SGK3: variants seen among roughly 807,000 people sequenced by gnomAD.
The protein encoded by SGK3 is serine/threonine-protein kinase Sgk3.
A neutral mutation model predicts 68.5 loss-of-function variants in SGK3; 47 were observed. That is an observed-to-expected ratio of 0.69 (90% CI 0.54 to 0.87). SGK3 has a LOEUF of 0.87. SGK3 is among the 40% of genes least tolerant of loss of function. The pLI, the probability that SGK3 is intolerant of heterozygous loss-of-function variation, is 0.00. For synonymous variants in SGK3, 181 were observed against 189.1 expected (o/e 0.96, Z 0.35); for missense variants, 479 against 575.5 (o/e 0.83, Z 1.72).
intron 1 of SGK3, among the ~76,000 whole-genome samples, chr8:66,727,720 C>G (rs111728848): frequency 6.6e-6 from 1 of 152,168 alleles, no homozygotes; most frequent in Admixed American, 6.5e-5. Flanking sequence ...GCAAGAGGCC[C>G]TCAACAGGTG....
rs1472341296 is a variant in SGK3 at position 66,835,964 on chromosome 8, C to A, written c.631C>A (p.Arg211Ser). The A allele has an allele frequency of 3.1e-6, 5 of 1,613,602 alleles. No individual in the cohort carries two copies. Among genetic ancestry groups the A allele is most frequent in the Non-Finnish European group, 4.2e-6 (5 of 1,179,814 alleles). The change falls in exon 10 of 17, where the codon CGT becomes AGT. Residue 211 changes from arginine to serine, a missense_variant. Transcript: ENST00000521198. ...RKEQKHIMAERNVLLKNVKHP... is the reference protein window; with the variant it reads ...RKEQKHIMAESNVLLKNVKHP... ...CCAGCAAAAACATATTATGGCTGAA[C>A]GTAATGTGCTCTTGAAAAATGTGAA...
At chr8:66,790,674 T>G (rs982793792) in intron 1 of SGK3, 1 of 152,222 alleles carries the variant, frequency 6.6e-6, no homozygotes, top group Non-Finnish European at 1.5e-5. Flanking sequence ...TCTTTGGGAA[T>G]TCACAGCTTT....
At chr8:66,764,736 C>T (rs1341824619) in intron 1 of SGK3, among the ~76,000 whole-genome samples, 1 of 152,118 alleles carries the variant, frequency 6.6e-6, no homozygotes. Flanking sequence ...ATCTGTTTCC[C>T]GTTTCTATGG....
At chr8:66,754,027 T>C (rs920124312) in intron 1 of SGK3, among the ~76,000 whole-genome samples, 2 of 152,154 alleles carry the variant, frequency 1.3e-5, no homozygotes, top group African/African-American at 2.4e-5. Flanking sequence ...CCCTGAGTCT[T>C]TTGGCAGTGC....
rs191708642 is a variant in SGK3, at chr8:66,858,193, C to T, written c.1321-1218C>T. ...CAAATACAAAATGCTAGGACGGGTGCGGTGGCTCACGCCTGTAATTCCAGC... is the reference window on the plus strand; with the variant it reads ...CAAATACAAAATGCTAGGACGGGTGTGGTGGCTCACGCCTGTAATTCCAGC... On this transcript the variant is annotated intron_variant, in intron 16 of 16. Transcript: ENST00000521198. 4.5e-3 allele frequency among the ~76,000 whole-genome samples: 681 copies of T among 152,162 alleles called. 8 individuals are homozygous for T. The highest frequency in any genetic ancestry group is 0.016 in the African/African-American group (653 of 41,508).
intron 8 of SGK3, among the ~76,000 whole-genome samples, chr8:66,834,462 AG>A (rs781670831): frequency 6.9e-6 from 1 of 145,980 alleles, no homozygotes; most frequent in Non-Finnish European, 1.5e-5. Flanking sequence ...GGCTACTGGC[AG>A]GGTTTTGTTT....
chr8:66,728,327 CTT>C (rs200974011), intron 1 of SGK3, among the ~76,000 whole-genome samples: 2 of 141,686 alleles, frequency 1.4e-5, no homozygotes, highest in Non-Finnish European at 1.6e-5. Context: ...TACTTCATTT[CTT>C]TTTTTTTTTT....
intron 1 of SGK3, among the ~76,000 whole-genome samples, chr8:66,724,259 C>T (rs535745792): frequency 1.7e-4 from 26 of 152,300 alleles, no homozygotes; most frequent in African/African-American, 6.0e-4. Context: ...GGATTACAGG[C>T]GTGAGCCTCC....
chr8:66,852,907 C>G (rs980513708), intron 16 of SGK3, among the ~76,000 whole-genome samples: 4 of 152,170 alleles, frequency 2.6e-5, no homozygotes, highest in Non-Finnish European at 4.4e-5. Flanking sequence ...AATATATCAT[C>G]AAGCATGTTG....
At chr8:66,715,371 C>T (rs1244029928) in intron 1 of SGK3, among the ~76,000 whole-genome samples, 2 of 152,152 alleles carry the variant, frequency 1.3e-5, no homozygotes, top group Non-Finnish European at 2.9e-5. Context: ...GATTCTCCTG[C>T]CTCAGCCTCC....
chr8:66,815,960 A>G (rs950753641), intron 5 of SGK3, among the ~76,000 whole-genome samples: 4 of 152,200 alleles, frequency 2.6e-5, no homozygotes, highest in African/African-American at 9.7e-5. Context: ...TTCATGATAG[A>G]AGATATTTCC....
At chr8:66,816,356 T>TTGTGTG (rs1554602623) in intron 5 of SGK3, among the ~76,000 whole-genome samples, 3 of 148,154 alleles carry the variant, frequency 2.0e-5, no homozygotes, top group African/African-American at 7.6e-5. Context: ...TTTTTTTTTT[T>TTGTGTG]TGTGTGTGAG....
chr8:66,783,598 A>G (rs1358527075), intron 1 of SGK3, among the ~76,000 whole-genome samples: 1 of 152,128 alleles, frequency 6.6e-6, no homozygotes, highest in African/African-American at 2.4e-5. Flanking sequence ...GCTCACTGCA[A>G]CCTTCACCTC....
intron 16 of SGK3, among the ~76,000 whole-genome samples, chr8:66,857,314 C>T (rs1445370796): frequency 6.6e-6 from 1 of 152,154 alleles, no homozygotes; most frequent in Non-Finnish European, 1.5e-5. Context: ...ATGTACCAGG[C>T]TGTTATCCTT....
intron 8 of SGK3, among the ~76,000 whole-genome samples, chr8:66,832,218 C>A (rs1454952938): frequency 6.6e-6 from 1 of 151,922 alleles, no homozygotes; most frequent in Non-Finnish European, 1.5e-5. Context: ...TATAGCCATA[C>A]CAAGGAAGGA....
At chr8:66,822,614 G>A (rs1808890203) in intron 6 of SGK3, among the ~76,000 whole-genome samples, 155 bp downstream of exon 6, 3 of 152,056 alleles carry the variant, frequency 2.0e-5, no homozygotes, top group South Asian at 4.1e-4. Context: ...ACCTCTTACA[G>A]ATCACTATTT....
chr8:66,764,241 T>G (rs1159382543), intron 1 of SGK3, among the ~76,000 whole-genome samples: 3 of 152,200 alleles, frequency 2.0e-5, no homozygotes, highest in Non-Finnish European at 2.9e-5. Context: ...TTTATAATTT[T>G]TTTTTTACAG....
At chr8:66,830,512 A>G (rs952324306) in intron 7 of SGK3, among the ~76,000 whole-genome samples, 8 of 152,330 alleles carry the variant, frequency 5.3e-5, no homozygotes, top group Middle Eastern at 6.8e-3. Flanking sequence ...CATACAACTT[A>G]TGAATTCAGA....
chr8:66,805,172 A>G (rs1277925716), intron 4 of SGK3, among the ~76,000 whole-genome samples: 2 of 152,184 alleles, frequency 1.3e-5, no homozygotes, highest in African/African-American at 2.4e-5. Flanking sequence ...ATTCAGAAAC[A>G]TTAAATATAT....
Sources: allele counts gnomAD v4.1 joint callset (sites outside exome capture counted in the v4.1 genomes callset), GRCh38; gene constraint gnomAD v4.1.1; transcripts MANE v1.5; gene names NCBI Gene and HGNC (gene_info 2026-07-23, HGNC 2026-07-21).